Variants in IMPG1 observed in about 807,000 individuals in gnomAD.
IMPG1 encodes interphotoreceptor matrix proteoglycan 1.
In IMPG1, 85 loss-of-function variants were observed where a neutral mutation model predicts 92.0. The observed-to-expected ratio is 0.92, with a 90% CI of 0.78 to 1.11. The LOEUF is 1.11. Ranked by LOEUF, IMPG1 falls within the 50% of genes least tolerant of loss-of-function variation. The pLI, the probability that IMPG1 is intolerant of heterozygous loss-of-function variation, is 0.00. For synonymous variants in IMPG1, 367 were observed against 334.1 expected, an observed-to-expected ratio of 1.10 and a Z score of -1.08; for missense variants, 1,022 against 956.0, an observed-to-expected ratio of 1.07 and a Z score of -0.91.
intron 5 of IMPG1, among the ~76,000 whole-genome samples, chr6:76,023,429 C>T (rs1356963990): frequency 6.6e-6 from 1 of 152,162 alleles, no homozygotes; most frequent in African/African-American, 2.4e-5. Flanking sequence ...TTTGGCTATC[C>T]TTCCATTTTA....
chr6:75,973,475 A>G (rs940647521), intron 12 of IMPG1, among the ~76,000 whole-genome samples: 4 of 152,224 alleles, frequency 2.6e-5, no homozygotes, highest in Admixed American at 1.3e-4. Context: ...GATGATAAAA[A>G]CAGCTCTCAT....
intron 1 of IMPG1, among the ~76,000 whole-genome samples, chr6:76,071,269 G>A (rs896935705): frequency 1.3e-5 from 2 of 149,916 alleles, no homozygotes; most frequent in East Asian, 1.9e-4. Context: ...CAGAATTAAT[G>A]TAACAAAAAA....
At chr6:75,924,587 T>A (rs1582043668) in intron 15 of IMPG1, among the ~76,000 whole-genome samples, 1 of 27,406 alleles carries the variant, frequency 3.6e-5, no homozygotes, top group Non-Finnish European at 8.0e-5. Context: ...TTAATATAAT[T>A]ATATATTATA....
rs114942159 is a variant in IMPG1 at position 75,922,353 on chromosome 6, C to T, written c.2317-187G>A. Reference sequence around the variant, plus strand: ...AACCTACTAGAAATGTACTCCATGCCCTCTTAAGCCTATTTAGATTCTCAG... The same window carrying T: ...AACCTACTAGAAATGTACTCCATGCTCTCTTAAGCCTATTTAGATTCTCAG... On this transcript the variant is annotated intron_variant, in intron 16 of 16. Transcript: ENST00000369950. Among the ~76,000 whole-genome samples, 1,121 of 152,200 alleles carry T rather than the reference C, an allele frequency of 7.4e-3. 13 individuals are homozygous for T. Among genetic ancestry groups the T allele is most frequent in the African/African-American group, 0.026 (1,066 of 41,516 alleles).
At chr6:76,034,268 T>C (rs1417529044) in intron 4 of IMPG1, 47 bp downstream of exon 4, 3 of 1,582,812 alleles carry the variant, frequency 1.9e-6, no homozygotes, top group Admixed American at 1.7e-5. Context: ...ATATGATCTT[T>C]TTAAATTCAA....
Position 75,940,759 on chromosome 6 carries a change from C to T in IMPG1, c.2044+6555G>A, listed in dbSNP as rs76763713. Among the ~76,000 whole-genome samples the T allele has an allele frequency of 9.4e-3, 1,433 of 152,286 alleles. 24 individuals carry two copies. The highest frequency in any genetic ancestry group is 0.032 in the African/African-American group (1,312 of 41,546). On this transcript the variant is annotated intron_variant, in intron 14 of 16. Transcript: ENST00000369950. Reference sequence around the variant, plus strand: ...CCTTCCTTCCAATCTGAGCTATCTTCGCTCCCTTCACTCCCTGTTCTGTAA... The same window carrying T: ...CCTTCCTTCCAATCTGAGCTATCTTTGCTCCCTTCACTCCCTGTTCTGTAA...
rs1297212531 is a variant in IMPG1 at position 76,021,697 on chromosome 6, T to C, written c.666+419A>G. Among the ~76,000 whole-genome samples, 3 of 148,618 alleles carry C rather than the reference T, an allele frequency of 2.0e-5. No individual in the cohort carries two copies. The East Asian group carries it at 6.0e-4, about 30-fold the overall frequency. On this transcript the variant is annotated intron_variant, in intron 6 of 16. Coordinates refer to ENST00000369950, the MANE Select transcript of IMPG1 (RefSeq NM_001563.4). ...ACTGAGAACAAAACCTTCACTCTTG[T>C]TGTCAATGTGGAATTATACTTCAGT...
chr6:76,003,121 T>A, intron 11 of IMPG1, 125 bp from the exon 12 acceptor site: 1 of 687,932 alleles, frequency 1.5e-6, no homozygotes, highest in Non-Finnish European at 2.7e-6. Context: ...TTGACTTGAA[T>A]CTACTATGGA....
At chr6:76,011,616 G>A (rs1009534329) in intron 7 of IMPG1, among the ~76,000 whole-genome samples, 1 of 151,102 alleles carries the variant, frequency 6.6e-6, no homozygotes, top group African/African-American at 2.4e-5. Flanking sequence ...TTAAGTTTTA[G>A]GGTACATGTG....
chr6:76,049,998 G>A (rs765044154), intron 1 of IMPG1, among the ~76,000 whole-genome samples: 7 of 152,066 alleles, frequency 4.6e-5, no homozygotes, highest in African/African-American at 1.2e-4. Context: ...GGAAATTTCC[G>A]AATATATAGA....
intron 2 of IMPG1, among the ~76,000 whole-genome samples, chr6:76,035,391 TG>T (rs1343937118): frequency 6.8e-6 from 1 of 148,118 alleles, no homozygotes; most frequent in Non-Finnish European, 1.5e-5. Context: ...CCCAGCTACT[TG>T]GGGGGCTGAG....
At position 75,977,044 on chromosome 6, in the gene IMPG1, G is replaced by A. The variant is rs75400123; in HGVS notation, c.1291+25874C>T. On this transcript the variant is annotated intron_variant, in intron 12 of 16. Coordinates refer to ENST00000369950, the MANE Select transcript of IMPG1 (RefSeq NM_001563.4). The stretch of plus-strand genomic sequence containing the variant: ...TAATGTGTAGTCATGATTGAATACC[G>A]GTAAATTTGAGGAAGTGGTATTTAA... 8.1e-3 allele frequency among the ~76,000 whole-genome samples: 1,239 copies of A among 152,142 alleles called. 17 individuals are homozygous for A. Among genetic ancestry groups the A allele is most frequent in the African/African-American group, 0.028 (1,168 of 41,502 alleles).
chr6:75,974,391 C>CT (rs1185602629), intron 12 of IMPG1, among the ~76,000 whole-genome samples: 2 of 54,776 alleles, frequency 3.7e-5, no homozygotes, highest in Non-Finnish European at 3.8e-5. Flanking sequence ...TTCTTTCTTT[C>CT]TTTTCTTTCT....
Position 75,947,549 on chromosome 6 carries a change from T to C in IMPG1, c.1825-16A>G, listed in dbSNP as rs1289757674. 1.3e-6 allele frequency: 2 copies of C among 1,586,742 alleles called. No individual in the cohort carries two copies. The highest frequency in any genetic ancestry group is 2.2e-5 in the South Asian group (2 of 89,760). ...ATGGAACCAGCTGCAAAATAAAAGATGGTTTCCTCTTAACTGTGTTCTAAG... is the reference window on the plus strand; with the variant it reads ...ATGGAACCAGCTGCAAAATAAAAGACGGTTTCCTCTTAACTGTGTTCTAAG... On this transcript the variant is annotated splice_polypyrimidine_tract_variant and intron_variant, in intron 13 of 16. Coordinates refer to ENST00000369950, the MANE Select transcript of IMPG1 (RefSeq NM_001563.4).
At position 75,975,209 on chromosome 6, in the gene IMPG1, G is replaced by A. The variant is rs377066932; in HGVS notation, c.1292-24115C>T. Among the ~76,000 whole-genome samples, 34 of 152,352 alleles carry A rather than the reference G, an allele frequency of 2.2e-4. 3 individuals are homozygous for A. Among genetic ancestry groups the A allele is most frequent in the Middle Eastern group, 6.8e-3 (2 of 294 alleles). On this transcript the variant is annotated intron_variant, in intron 12 of 16. Coordinates refer to ENST00000369950, the MANE Select transcript of IMPG1 (RefSeq NM_001563.4). ...ATGAGAAGCTCACAGTGAAGGATCAGTCAGTGGTGCTCAGTCACTGGCATG... is the reference window on the plus strand; with the variant it reads ...ATGAGAAGCTCACAGTGAAGGATCAATCAGTGGTGCTCAGTCACTGGCATG...
chr6:75,985,390 T>C (rs1347527978), intron 12 of IMPG1, among the ~76,000 whole-genome samples: 1 of 152,172 alleles, frequency 6.6e-6, no homozygotes, highest in East Asian at 1.9e-4. Context: ...GGCAGAACTG[T>C]CTGGCTAGGG....
chr6:76,003,145 A>G (rs1783029945), intron 11 of IMPG1, 149 bp from the exon 12 acceptor site: 4 of 639,918 alleles, frequency 6.3e-6, no homozygotes, highest in East Asian at 5.6e-5. Flanking sequence ...AGGTTCTGAT[A>G]TAGAAATATG....
Position 75,931,152 on chromosome 6 carries a change from C to T in IMPG1, c.2045-1G>A. On this transcript the variant is annotated splice_acceptor_variant, in intron 14 of 16. Coordinates refer to ENST00000369950, the MANE Select transcript of IMPG1 (RefSeq NM_001563.4). LOFTEE classifies it high-confidence loss of function. ...AACTTGCAGGGATCTGCTTGATCAG[C>T]TGTAAGAAATGGGGCAGATTTTAAC... 1.2e-6 allele frequency: 2 copies of T among 1,609,962 alleles called. No homozygotes were observed. Among genetic ancestry groups the T allele is most frequent in the Non-Finnish European group, 1.7e-6 (2 of 1,177,784 alleles).
intron 12 of IMPG1, among the ~76,000 whole-genome samples, chr6:75,991,290 C>T (rs867794018): frequency 6.6e-6 from 1 of 151,958 alleles, no homozygotes; most frequent in Non-Finnish European, 1.5e-5. Context: ...ACTCAGGAGG[C>T]TGAGGCAAGA....
Sources: gnomAD v4.1 joint callset for allele counts (sites outside exome capture counted in the v4.1 genomes callset) on GRCh38, gnomAD v4.1.1 for gene constraint, MANE v1.5 for transcripts, NCBI Gene and HGNC (gene_info 2026-07-23, HGNC 2026-07-21) for gene names.